UACA: variants seen among roughly 807,000 people sequenced by gnomAD.
UACA encodes uveal autoantigen with coiled-coil domains and ankyrin repeats.
In UACA, 112 loss-of-function variants were observed where a neutral mutation model predicts 160.5. The ratio of observed to expected loss-of-function variants is 0.70; its 90% CI spans 0.60 to 0.82. The LOEUF is 0.82. Ranked by LOEUF, UACA falls within the 40% of genes least tolerant of loss-of-function variation. UACA has a pLI of 0.00. For synonymous variants in UACA, 557 were observed against 568.4 expected, an observed-to-expected ratio of 0.98 and a Z score of 0.29; for missense variants, 1,574 against 1,614.6, an observed-to-expected ratio of 0.97 and a Z score of 0.43.
intron 1 of UACA, among the ~76,000 whole-genome samples, chr15:70,702,700 C>T (rs1012728596): frequency 9.2e-5 from 14 of 152,076 alleles, no homozygotes; most frequent in African/African-American, 2.2e-4. Context: ...TTTAAGGAAA[C>T]GCACACACAG....
At chr15:70,773,021 AG>A in the UACA span, among the ~76,000 whole-genome samples, 1 of 151,282 alleles carries the variant, frequency 6.6e-6, no homozygotes, top group Non-Finnish European at 1.5e-5. Context: ...ATTCCAGCCT[AG>A]GCGACAGAGC....
At chr15:70,738,688 C>A (rs1899439801) in intron 1 of UACA, among the ~76,000 whole-genome samples, 1 of 152,268 alleles carries the variant, frequency 6.6e-6, no homozygotes, top group African/African-American at 2.4e-5. Context: ...TTCCCTCTAT[C>A]TGGAATTATT....
chr15:70,751,565 T>C lies in UACA; in HGVS notation c.78+11765A>G, dbSNP rs1170194130. ...TCACAACTACTCTATGAAATAAGTA[T>C]AACGATTAATCCTATTTTCCAAATG... On this transcript the variant is annotated intron_variant, in intron 1 of 18. Coordinates refer to ENST00000322954, the MANE Select transcript of UACA (RefSeq NM_018003.4). Among the ~76,000 whole-genome samples the C allele has an allele frequency of 3.3e-5, 5 of 152,198 alleles. No homozygotes were observed. In the East Asian group the frequency reaches 9.6e-4, roughly 29 times the overall value.
At chr15:70,682,625 G>T in intron 9 of UACA, 133 bp downstream of exon 9, 1 of 439,514 alleles carries the variant, frequency 2.3e-6, no homozygotes, top group Non-Finnish European at 3.9e-6. Context: ...GAATCTACAC[G>T]GGCTTGATTA....
intron 1 of UACA, chr15:70,758,583 C>T (rs1364606593): frequency 6.6e-6 from 1 of 152,158 alleles, no homozygotes; most frequent in African/African-American, 2.4e-5. Flanking sequence ...ACAACTAAAA[C>T]AAAATCATGT....
chr15:70,763,488 A>T lies in UACA; in HGVS notation c.-81T>A. 7.9e-7 allele frequency: 1 copy of T among 1,258,436 alleles called. No homozygotes were observed. 78.0% of individuals were successfully genotyped at this position (1,258,436 alleles called of 1,614,324 possible). A position where few individuals can be genotyped will look rare whatever the true frequency, so the allele number is the denominator to read the frequency against. ...GCAAGGAGTAGACGGCAGCGGCTGC[A>T]GCAGAGGCGGCGCGGGCTGTACCAG... On this transcript the variant is annotated 5_prime_UTR_variant, in exon 1 of 19. Transcript: ENST00000322954.
At chr15:70,711,078 A>C (rs905960823) in intron 1 of UACA, among the ~76,000 whole-genome samples, 1 of 152,214 alleles carries the variant, frequency 6.6e-6, no homozygotes. Flanking sequence ...AGGCACTCTT[A>C]TCTCTCTGGA....
intron 1 of UACA, among the ~76,000 whole-genome samples, chr15:70,757,502 C>A (rs531818502): frequency 6.6e-6 from 1 of 152,266 alleles, no homozygotes; most frequent in South Asian, 2.1e-4. Context: ...ACATGATATA[C>A]TAATTACATC....
chr15:70,772,759 G>T, the UACA span, among the ~76,000 whole-genome samples: 1 of 152,032 alleles, frequency 6.6e-6, no homozygotes, highest in Non-Finnish European at 1.5e-5. Context: ...GAAGAAGAGG[G>T]CCAAGGGCCT....
intron 17 of UACA, chr15:70,660,500 A>C (rs1896668252): frequency 2.8e-6 from 1 of 360,856 alleles, no homozygotes; most frequent in Middle Eastern, 7.2e-4. Flanking sequence ...GAAGACACTT[A>C]TCACATGTCT....
intron 17 of UACA, chr15:70,661,628 G>C (rs573606661): frequency 6.6e-6 from 1 of 152,110 alleles, no homozygotes; most frequent in African/African-American, 2.4e-5. Context: ...ATTTACATGT[G>C]ACTGGGCCGT....
intron 7 of UACA, among the ~76,000 whole-genome samples, chr15:70,684,774 C>T (rs1566974425): frequency 6.6e-6 from 1 of 152,070 alleles, no homozygotes; most frequent in African/African-American, 2.4e-5. Flanking sequence ...GAAGAATAGA[C>T]ACTACTTTAA....
At chr15:70,747,798 T>C (rs934088833) in intron 1 of UACA, among the ~76,000 whole-genome samples, 8 of 152,174 alleles carry the variant, frequency 5.3e-5, no homozygotes, top group African/African-American at 1.9e-4. Flanking sequence ...GTATTGACAC[T>C]AAAATGAAAG....
chr15:70,683,020 G>T (rs1897567333), intron 8 of UACA, among the ~76,000 whole-genome samples: 1 of 151,984 alleles, frequency 6.6e-6, no homozygotes, highest in East Asian at 1.9e-4. Flanking sequence ...TATTCAAGTA[G>T]GTAAGATTAA....
chr15:70,676,135 A>G (rs934007), intron 13 of UACA, among the ~76,000 whole-genome samples: 88 of 152,270 alleles, frequency 5.8e-4, no homozygotes, highest in African/African-American at 2.0e-3. Flanking sequence ...ATAATCCTGG[A>G]CATATCATCA....
At chr15:70,703,016 A>G (rs919509542) in intron 1 of UACA, 62 of 1,008,270 alleles carry the variant, frequency 6.1e-5, no homozygotes, top group Non-Finnish European at 7.3e-5. Flanking sequence ...GTTAAACACT[A>G]AAGGAGGCAA....
chr15:70,704,179 C>T (rs1380416558), intron 1 of UACA, among the ~76,000 whole-genome samples: 2 of 152,182 alleles, frequency 1.3e-5, no homozygotes, highest in Non-Finnish European at 2.9e-5. Flanking sequence ...TCACTAGATT[C>T]TCACCCATCT....
chr15:70,767,274 A>AAAAAAAAAAG (rs2031038572), upstream of UACA, among the ~76,000 whole-genome samples: 1 of 119,406 alleles, frequency 8.4e-6, no homozygotes, highest in African/African-American at 4.1e-5. Context: ...CAAAAACAAA[A>AAAAAAAAAAG]ACAACAACAA....
intron 18 of UACA, among the ~76,000 whole-genome samples, chr15:70,658,885 A>T (rs1896577072): frequency 6.6e-6 from 1 of 152,266 alleles, no homozygotes; most frequent in Admixed American, 6.5e-5. Context: ...GCCAGAAGGC[A>T]AGACTATTTC....
Sources: allele counts gnomAD v4.1 joint callset (sites outside exome capture counted in the v4.1 genomes callset), GRCh38; gene constraint gnomAD v4.1.1; transcripts MANE v1.5; gene names NCBI Gene and HGNC (gene_info 2026-07-23, HGNC 2026-07-21).